The following NLGN1 variants were observed in gnomAD, a reference collection of about 807,000 sequenced individuals.
NLGN1 encodes the protein neuroligin 1, also known as neuroligin-1.
NLGN1 carries 12 observed loss-of-function variants against 65.5 expected under a neutral mutation model. That is an observed-to-expected ratio of 0.18 (90% CI 0.12 to 0.30). NLGN1 has a LOEUF of 0.30. NLGN1 is among the 10% of genes least tolerant of loss of function. The probability of loss-of-function intolerance (pLI) is 1.00; values close to 1 mark genes in which losing one functional copy is unlikely to be tolerated. For synonymous variants in NLGN1, 350 were observed against 359.5 expected, an observed-to-expected ratio of 0.97 and a Z score of 0.30; for missense variants, 750 against 1,007.1, an observed-to-expected ratio of 0.74 and a Z score of 3.46.
intron 3 of NLGN1, among the ~76,000 whole-genome samples, chr3:173,746,102 G>A (rs2150128603): frequency 6.6e-6 from 1 of 151,996 alleles, no homozygotes; most frequent in East Asian, 2.0e-4. Context: ...TGGTTCCTAG[G>A]CAGCAGAAAG....
At chr3:174,134,776 A>G (rs1037906661) in intron 4 of NLGN1, among the ~76,000 whole-genome samples, 1 of 152,180 alleles carries the variant, frequency 6.6e-6, no homozygotes, top group Non-Finnish European at 1.5e-5. Flanking sequence ...AATTTCTCAT[A>G]CACAGTTAAA....
At chr3:174,148,134 C>T (rs926651716) in intron 4 of NLGN1, among the ~76,000 whole-genome samples, 9 of 152,164 alleles carry the variant, frequency 5.9e-5, no homozygotes, top group Admixed American at 6.5e-5. Flanking sequence ...ATGAGCTGTT[C>T]TCCAATTTGA....
intron 4 of NLGN1, among the ~76,000 whole-genome samples, chr3:173,941,999 G>C (rs1360890467): frequency 6.6e-6 from 1 of 151,254 alleles, no homozygotes; most frequent in Non-Finnish European, 1.5e-5. Flanking sequence ...TTACAATGCT[G>C]ACACCGAGAG....
At chr3:173,592,215 A>G (rs1748618831) in intron 2 of NLGN1, among the ~76,000 whole-genome samples, 1 of 152,216 alleles carries the variant, frequency 6.6e-6, no homozygotes, top group Admixed American at 6.5e-5. Flanking sequence ...ATAGTTTCAG[A>G]ATAAATAGAA....
At chr3:174,274,272 G>A (rs976323636) in intron 4 of NLGN1, among the ~76,000 whole-genome samples, 1 of 151,058 alleles carries the variant, frequency 6.6e-6, no homozygotes, top group African/African-American at 2.4e-5. Flanking sequence ...TTAGAGAATA[G>A]ATGTTTGTTT....
rs565658841 is a variant in NLGN1, at chr3:173,777,789, A to C, written c.494-29891A>C. 7.2e-5 allele frequency among the ~76,000 whole-genome samples: 11 copies of C among 151,972 alleles called. No homozygotes were observed. The South Asian group carries it at 2.1e-3, about 29-fold the overall frequency. ...ACATGGGAGTGCAGATATATCCTTG[A>C]AATGTCAATTTCAGGAAATGACTGC... is the stretch of plus-strand genomic sequence containing the variant. On this transcript the variant is annotated intron_variant, in intron 3 of 6. Transcript: ENST00000457714.
At chr3:173,553,251 G>A (rs1741179115) in intron 2 of NLGN1, among the ~76,000 whole-genome samples, 1 of 152,054 alleles carries the variant, frequency 6.6e-6, no homozygotes, top group Non-Finnish European at 1.5e-5. Flanking sequence ...GTGAATAGAT[G>A]CAAAAAGGAA....
intron 4 of NLGN1, among the ~76,000 whole-genome samples, chr3:174,146,756 C>T (rs903422878): frequency 1.9e-4 from 28 of 150,262 alleles, no homozygotes; most frequent in Admixed American, 4.7e-4. Context: ...TTAGTAGAGA[C>T]GGGGTTTCAC....
At chr3:173,746,719 G>A (rs1299926587) in intron 3 of NLGN1, among the ~76,000 whole-genome samples, 1 of 151,990 alleles carries the variant, frequency 6.6e-6, no homozygotes, top group Non-Finnish European at 1.5e-5. Flanking sequence ...GTCACCAGAA[G>A]ATAAGTAATC....
At chr3:173,960,271 C>G (rs1407445772) in intron 4 of NLGN1, among the ~76,000 whole-genome samples, 2 of 151,662 alleles carry the variant, frequency 1.3e-5, no homozygotes, top group African/African-American at 4.8e-5. Context: ...TTGGTTAGTT[C>G]ACTTATTTGT....
intron 3 of NLGN1, among the ~76,000 whole-genome samples, chr3:173,789,486 G>A (rs1016742350): frequency 2.0e-5 from 3 of 152,250 alleles, no homozygotes; most frequent in Middle Eastern, 3.4e-3. Context: ...CTCCCAAGGT[G>A]GATAGAACAC....
At chr3:173,408,650 C>T (rs548930919) in intron 1 of NLGN1, among the ~76,000 whole-genome samples, 94 of 152,294 alleles carry the variant, frequency 6.2e-4, no homozygotes, top group Non-Finnish European at 8.8e-4. Flanking sequence ...CAGTGGCTCA[C>T]GCCTGTAATC....
intron 4 of NLGN1, among the ~76,000 whole-genome samples, chr3:173,949,662 C>G (rs930148391): frequency 5.3e-5 from 8 of 152,060 alleles, no homozygotes; most frequent in African/African-American, 1.4e-4. Flanking sequence ...TTTGAAAATA[C>G]TAAAAAGTAT....
At chr3:173,686,304 A>T (rs1764679298) in intron 3 of NLGN1, among the ~76,000 whole-genome samples, 1 of 152,022 alleles carries the variant, frequency 6.6e-6, no homozygotes, top group Non-Finnish European at 1.5e-5. Flanking sequence ...AAACAAAATA[A>T]AATTACCCCA....
intron 2 of NLGN1, among the ~76,000 whole-genome samples, chr3:173,446,245 T>G (rs1720283146): frequency 2.2e-5 from 3 of 137,644 alleles, no homozygotes; most frequent in African/African-American, 2.6e-5. Flanking sequence ...TCCCGGTGTG[T>G]GATGTTCCCC....
chr3:173,700,483 A>G (rs1398680901), intron 3 of NLGN1, among the ~76,000 whole-genome samples: 1 of 152,224 alleles, frequency 6.6e-6, no homozygotes, highest in Non-Finnish European at 1.5e-5. Context: ...GACTGTATGA[A>G]GAAAGCTGAA....
intron 4 of NLGN1, among the ~76,000 whole-genome samples, chr3:173,856,391 A>T (rs943925711): frequency 2.0e-5 from 3 of 152,146 alleles, no homozygotes; most frequent in African/African-American, 4.8e-5. Flanking sequence ...AACTGGGCAT[A>T]AACTGAATGT....
intron 4 of NLGN1, among the ~76,000 whole-genome samples, chr3:173,986,600 A>G (rs529179066): frequency 4.6e-4 from 70 of 152,296 alleles, no homozygotes; most frequent in South Asian, 2.5e-3. Flanking sequence ...AACCTTGCCT[A>G]CCAACACCTT....
chr3:173,519,264 G>C (rs1199743228), intron 2 of NLGN1, among the ~76,000 whole-genome samples: 1 of 152,234 alleles, frequency 6.6e-6, no homozygotes, highest in African/African-American at 2.4e-5. Context: ...ACCTCTACTA[G>C]GGCAGCATGG....
Sources: allele counts gnomAD v4.1 joint callset (sites outside exome capture counted in the v4.1 genomes callset), GRCh38; gene constraint gnomAD v4.1.1; transcripts MANE v1.5; gene names NCBI Gene and HGNC (gene_info 2026-07-23, HGNC 2026-07-21).